Variants in FAM135A observed in about 807,000 individuals in gnomAD.
FAM135A encodes protein FAM135A.
FAM135A carries 79 observed loss-of-function variants against 146.8 expected under a neutral mutation model. That is an observed-to-expected ratio of 0.54 (90% confidence interval 0.45 to 0.65). The LOEUF is 0.65. Among genes scored for constraint, FAM135A ranks in the 30% least tolerant of loss-of-function variants. The pLI, the probability that FAM135A is intolerant of heterozygous loss-of-function variation, is 0.00. For synonymous variants in FAM135A, 562 were observed against 603.6 expected (o/e 0.93, Z 1.01); for missense variants, 1,623 against 1,758.2 (o/e 0.92, Z 1.38).
At chr6:70,416,518 A>C (rs1277464913) in intron 2 of FAM135A, among the ~76,000 whole-genome samples, 1 of 152,208 alleles carries the variant, frequency 6.6e-6, no homozygotes, top group Admixed American at 6.5e-5. Flanking sequence ...AAGTGCTTTA[A>C]CATTGAGTTT....
At chr6:70,552,261 T>C (rs1799952686) in intron 20 of FAM135A, among the ~76,000 whole-genome samples, 1 of 152,094 alleles carries the variant, frequency 6.6e-6, no homozygotes, top group African/African-American at 2.4e-5. Context: ...CTTATATAAG[T>C]AATCCAAATA....
intron 5 of FAM135A, among the ~76,000 whole-genome samples, chr6:70,455,997 G>A (rs990084958): frequency 2.6e-5 from 4 of 152,040 alleles, no homozygotes; most frequent in Admixed American, 1.3e-4. Flanking sequence ...GACTACAGGC[G>A]TGCATCACCA....
At chr6:70,487,458 A>ATT (rs2128205845) in intron 10 of FAM135A, among the ~76,000 whole-genome samples, 1 of 152,270 alleles carries the variant, frequency 6.6e-6, no homozygotes, top group South Asian at 2.1e-4. Flanking sequence ...TAAAATAAGT[A>ATT]TTTATTTCCC....
chr6:70,441,960 G>A (rs984159262), intron 4 of FAM135A, among the ~76,000 whole-genome samples: 2 of 152,124 alleles, frequency 1.3e-5, no homozygotes, highest in African/African-American at 2.4e-5. Flanking sequence ...TGGGATTACA[G>A]GCATGAGTCA....
chr6:70,498,678 T>G (rs937554285), intron 11 of FAM135A, among the ~76,000 whole-genome samples: 6 of 152,248 alleles, frequency 3.9e-5, no homozygotes, highest in African/African-American at 1.4e-4. Flanking sequence ...ACATTGTCTC[T>G]TTGTTCTCAT....
intron 5 of FAM135A, among the ~76,000 whole-genome samples, chr6:70,460,407 A>G (rs1188608315): frequency 6.6e-6 from 1 of 152,146 alleles, no homozygotes; most frequent in Non-Finnish European, 1.5e-5. Flanking sequence ...TCTACCTTCC[A>G]AACTCTGTTG....
At chr6:70,447,519 T>A (rs1776035245) in intron 4 of FAM135A, among the ~76,000 whole-genome samples, 1 of 152,202 alleles carries the variant, frequency 6.6e-6, no homozygotes, top group Non-Finnish European at 1.5e-5. Context: ...TTGCAGGGGT[T>A]CCTCAGGCAG....
intron 5 of FAM135A, among the ~76,000 whole-genome samples, chr6:70,472,383 C>T (rs1467263191): frequency 2.0e-5 from 3 of 152,138 alleles, no homozygotes; most frequent in Non-Finnish European, 1.5e-5. Flanking sequence ...GCATCTCAAA[C>T]TTAAAGAAAA....
intron 20 of FAM135A, among the ~76,000 whole-genome samples, chr6:70,550,771 TTCTA>T (rs1375950481): frequency 6.6e-6 from 1 of 152,208 alleles, no homozygotes; most frequent in African/African-American, 2.4e-5. Context: ...ATTGATTCCT[TTCTA>T]TCTATGAAGT....
At chr6:70,449,779 G>A (rs943899876) in intron 4 of FAM135A, among the ~76,000 whole-genome samples, 2 of 152,230 alleles carry the variant, frequency 1.3e-5, no homozygotes, top group East Asian at 1.9e-4. Flanking sequence ...TATATACCCA[G>A]TAGTGGAATT....
chr6:70,523,914 G>A, intron 13 of FAM135A, 53 bp from the exon 14 acceptor site: 1 of 1,554,466 alleles, frequency 6.4e-7, no homozygotes, highest in Non-Finnish European at 8.7e-7. Flanking sequence ...CTACAAAGGG[G>A]AGTTGGGTAT....
At position 70,534,499 on chromosome 6, in the gene FAM135A, T is replaced by TG. The variant is rs1344847241; in HGVS notation, c.3965+650dup. ...CATGTCCAGCTAATTTTTGTAGAGA[T>TG]GGGGGTTTCACCGTGTTACCCAGGC... On this transcript the variant is annotated intron_variant, in intron 18 of 21. Coordinates refer to ENST00000418814, the MANE Select transcript of FAM135A (RefSeq NM_001162529.3). 2.0e-5 allele frequency among the ~76,000 whole-genome samples: 3 copies of TG among 151,674 alleles called. No homozygotes were observed. The East Asian group carries it at 5.9e-4, about 30-fold the overall frequency.
chr6:70,557,941 T>C (rs763884485), intron 21 of FAM135A, among the ~76,000 whole-genome samples: 4 of 152,178 alleles, frequency 2.6e-5, no homozygotes, highest in Admixed American at 2.0e-4. Context: ...TTTTCTTAAC[T>C]TCTGTTCTAG....
chr6:70,528,674 CAT>C (rs1197054504), intron 16 of FAM135A, among the ~76,000 whole-genome samples: 3 of 150,498 alleles, frequency 2.0e-5, no homozygotes, highest in Non-Finnish European at 3.0e-5. Flanking sequence ...AACTGACACT[CAT>C]GTGCCAACAT....
chr6:70,560,838 T>C lies in FAM135A; in HGVS notation c.*917T>C, dbSNP rs1262051242. 6.6e-6 allele frequency: 1 copy of C among 152,630 alleles called. No homozygotes were observed. The highest frequency in any genetic ancestry group is 1.9e-4 in the East Asian group (1 of 5,208). 9.5% of individuals were successfully genotyped at this position (152,630 alleles called of 1,614,324 possible). On this transcript the variant is annotated 3_prime_UTR_variant, in exon 22 of 22. Coordinates refer to ENST00000418814, the MANE Select transcript of FAM135A (RefSeq NM_001162529.3). The stretch of plus-strand genomic sequence containing the variant: ...AAATTTATTGAACTAAAAAGTAATG[T>C]AAATAAAATAATTCATGTTAAAGAT...
rs34753260 is a variant in FAM135A, at chr6:70,544,108, TA to T, written c.4228+5720del. 9.4e-3 allele frequency among the ~76,000 whole-genome samples: 1,371 copies of T among 145,184 alleles called. 15 individuals carry two copies. Among genetic ancestry groups the T allele is most frequent in the African/African-American group, 0.021 (818 of 39,746 alleles). ...GTAGAGTTCAAAACTTAGTAAATGG[TA>T]AAAAAAAAAAAATGAATAAATGACT... On this transcript the variant is annotated intron_variant, in intron 20 of 21. Transcript: ENST00000418814.
At chr6:70,433,941 A>T (rs557227844) in intron 4 of FAM135A, among the ~76,000 whole-genome samples, 1 of 151,038 alleles carries the variant, frequency 6.6e-6, no homozygotes, top group East Asian at 1.9e-4. Context: ...AAGAAAAACT[A>T]GTTTTATTTT....
intron 18 of FAM135A, 120 bp from the exon 19 acceptor site, chr6:70,536,135 ATACTT>A: frequency 1.2e-6 from 1 of 856,654 alleles, no homozygotes; most frequent in Non-Finnish European, 1.7e-6. Context: ...AAGTATCACT[ATACTT>A]TTACAACATT....
intron 16 of FAM135A, among the ~76,000 whole-genome samples, chr6:70,529,592 T>A (rs1400948036): frequency 6.6e-6 from 1 of 152,118 alleles, no homozygotes; most frequent in Non-Finnish European, 1.5e-5. Context: ...AATTCTTTTT[T>A]AAAAATTTTA....
Sources: gnomAD v4.1 joint callset for allele counts (sites outside exome capture counted in the v4.1 genomes callset) on GRCh38, gnomAD v4.1.1 for gene constraint, MANE v1.5 for transcripts, NCBI Gene and HGNC (gene_info 2026-07-23, HGNC 2026-07-21) for gene names.